Variants in HCK observed in about 807,000 individuals in gnomAD.
The protein encoded by HCK is tyrosine-protein kinase HCK.
In HCK, 40 loss-of-function variants were observed where a neutral mutation model predicts 70.4. The ratio of observed to expected loss-of-function variants is 0.57; its 90% confidence interval spans 0.44 to 0.74. The LOEUF is 0.74. HCK is among the 30% of genes least tolerant of loss of function. The pLI is 0.00. For synonymous variants in HCK, 245 were observed against 263.2 expected, an observed-to-expected ratio of 0.93 and a Z score of 0.67; for missense variants, 568 against 697.2, an observed-to-expected ratio of 0.81 and a Z score of 2.09.
chr20:32,094,842 AAAGAAAGAAAAG>A (rs1371992697), intron 11 of HCK, among the ~76,000 whole-genome samples: 1 of 140,660 alleles, frequency 7.1e-6, no homozygotes, highest in Admixed American at 7.1e-5. Context: ...AGAAAGAAAG[AAAGAAAGAAAAG>A]AAAGAAAGAG....
rs2045476144 is a variant in HCK at position 32,067,531 on chromosome 20, C to CAT, written c.63-4131_63-4130insAT. ...GAGCAGGAATGTCCTGATGCTTTTA[C>CAT]TTTTTTTTTTTTTTTTTTTTTGCCC... On this transcript the variant is annotated intron_variant, in intron 1 of 12. Coordinates refer to ENST00000375852, the MANE Select transcript of HCK (RefSeq NM_002110.5). Among the ~76,000 whole-genome samples the CAT allele has an allele frequency of 4.5e-5, 5 of 110,346 alleles. No individual in the cohort carries two copies. In the South Asian group the frequency reaches 1.4e-3, roughly 31 times the overall value. 72.4% of individuals were successfully genotyped at this position (110,346 alleles called of 152,430 possible).
At chr20:32,101,215 T>A in intron 12 of HCK, 102 bp from the exon 13 acceptor site, 1 of 941,530 alleles carries the variant, frequency 1.1e-6, no homozygotes, top group East Asian at 2.6e-5. Flanking sequence ...GCTTGCAAGG[T>A]GAGGTGGGGA....
chr20:32,094,618 G>A (rs539369021), intron 11 of HCK, among the ~76,000 whole-genome samples: 1 of 151,526 alleles, frequency 6.6e-6, no homozygotes, highest in Admixed American at 6.6e-5. Flanking sequence ...AGTCTAGGAA[G>A]CTGAAGCTGC....
At position 32,058,605 on chromosome 20, in the gene HCK, AACACACAC is replaced by A. The variant is rs60349531; in HGVS notation, c.62+6147_62+6154del. On this transcript the variant is annotated intron_variant, in intron 1 of 12. Transcript: ENST00000375852. The stretch of plus-strand genomic sequence containing the variant: ...TGCAGCACAATTCCTTTTATGTCAA[AACACACAC>A]ACACACACACACACACACACACACA... 1.1e-3 allele frequency among the ~76,000 whole-genome samples: 156 copies of A among 142,434 alleles called. 1 individual carries two copies. The East Asian group carries it at 0.02, about 18-fold the overall frequency. The allele number at this position is 142,434 out of a possible 152,430, so 93.4% of individuals were successfully genotyped here.
chr20:32,073,296 C>G, intron 2 of HCK, 23 bp from the exon 3 acceptor site: 1 of 1,606,908 alleles, frequency 6.2e-7, no homozygotes, highest in Non-Finnish European at 8.5e-7. Context: ...GATTCATTCT[C>G]TTCTCTCATT....
chr20:32,060,574 G>T (rs1201362380), intron 1 of HCK, among the ~76,000 whole-genome samples: 6 of 152,168 alleles, frequency 3.9e-5, no homozygotes, highest in Non-Finnish European at 2.9e-5. Context: ...CGGGAAATCT[G>T]GGGGCATCCA....
intron 10 of HCK, among the ~76,000 whole-genome samples, chr20:32,088,888 A>T (rs2045826866): frequency 6.7e-6 from 1 of 149,032 alleles, no homozygotes; most frequent in Admixed American, 6.6e-5. Flanking sequence ...AAACCATCCA[A>T]GTCCTAGTAG....
At chr20:32,090,275 A>G (rs577322755) in intron 10 of HCK, among the ~76,000 whole-genome samples, 2 of 152,266 alleles carry the variant, frequency 1.3e-5, no homozygotes, top group East Asian at 3.9e-4. Flanking sequence ...CCAAGGGAGG[A>G]AAAGAGGTTC....
Position 32,084,375 on chromosome 20 carries a change from A to T in HCK, c.683-16A>T. 6.2e-7 allele frequency: 1 copy of T among 1,606,930 alleles called. No homozygotes were observed. The highest frequency in any genetic ancestry group is 1.1e-5 in the South Asian group (1 of 90,192). On this transcript the variant is annotated splice_polypyrimidine_tract_variant and intron_variant, in intron 7 of 12. Transcript: ENST00000375852. ...CGGTGCTTGTTGCTCTCAATTGACC[A>T]GGGACTCTGTTCCAGAGGGGAACGA... is the stretch of plus-strand genomic sequence containing the variant.
chr20:32,085,255 G>A (rs1015720902), intron 8 of HCK, among the ~76,000 whole-genome samples: 2 of 152,222 alleles, frequency 1.3e-5, no homozygotes, highest in South Asian at 2.1e-4. Flanking sequence ...GCTCACGCCT[G>A]TAATCCCAGC....
At chr20:32,061,764 G>T (rs181994186) in intron 1 of HCK, among the ~76,000 whole-genome samples, 19 of 152,162 alleles carry the variant, frequency 1.2e-4, no homozygotes, top group African/African-American at 3.4e-4. Context: ...GAGCAAGGAG[G>T]GCTCCAGTGG....
intron 1 of HCK, chr20:32,069,838 C>T (rs1418125402): frequency 4.2e-6 from 4 of 945,762 alleles, no homozygotes; most frequent in East Asian, 6.1e-5. Flanking sequence ...TTTCCTTAAA[C>T]CACAAATACA....
intron 1 of HCK, among the ~76,000 whole-genome samples, chr20:32,069,308 T>G (rs186255936): frequency 3.7e-4 from 56 of 152,330 alleles, no homozygotes; most frequent in African/African-American, 1.3e-3. Flanking sequence ...CTTGAATATG[T>G]ACATTGATCA....
chr20:32,083,697 G>T (rs753654022), intron 6 of HCK, among the ~76,000 whole-genome samples, 197 bp from the exon 7 acceptor site: 2 of 152,222 alleles, frequency 1.3e-5, no homozygotes. Context: ...ACATGGCCAA[G>T]GTCTCACGGG....
At chr20:32,094,705 AAAAG>A (rs71185377) in intron 11 of HCK, among the ~76,000 whole-genome samples, 9,154 of 74,666 alleles carry the variant, frequency 0.12, 714 homozygotes, top group South Asian at 0.15. Context: ...AAAAGAAAAG[AAAAG>A]AAAGAAAGAA....
In HCK at chr20:32,086,813, G is replaced by C; in HGVS notation, c.1015+6G>C. On this transcript the variant is annotated splice_donor_region_variant and intron_variant, in intron 9 of 12. Transcript: ENST00000375852. Reference sequence around the variant, plus strand: ...CACGGAGTTCATGGCCAAAGGTGCTGCGTGCTGGGGCTGGGGGTGCAGGCT... The same window carrying C: ...CACGGAGTTCATGGCCAAAGGTGCTCCGTGCTGGGGCTGGGGGTGCAGGCT... 1 of 1,566,230 alleles carries C rather than the reference G, an allele frequency of 6.4e-7. No homozygotes were observed. The highest frequency in any genetic ancestry group is 8.7e-7 in the Non-Finnish European group (1 of 1,155,518).
At chr20:32,057,804 C>A (rs1196120715) in intron 1 of HCK, among the ~76,000 whole-genome samples, 1 of 152,184 alleles carries the variant, frequency 6.6e-6, no homozygotes, top group African/African-American at 2.4e-5. Context: ...GCACCAACCA[C>A]ATGTTGGTCC....
At position 32,058,396 on chromosome 20, in the gene HCK, G is replaced by T. The variant is rs989176342; in HGVS notation, c.62+5910G>T. 2.6e-5 allele frequency among the ~76,000 whole-genome samples: 4 copies of T among 152,024 alleles called. No homozygotes were observed. The South Asian group carries it at 8.3e-4, about 32-fold the overall frequency. On this transcript the variant is annotated intron_variant, in intron 1 of 12. Coordinates refer to ENST00000375852, the MANE Select transcript of HCK (RefSeq NM_002110.5). ...AAAATGCAAAAATTAGCCGGGCGTG[G>T]TGGCGGGCGCCTGTAATTTCAGCTA...
At chr20:32,059,164 C>T (rs1195736577) in intron 1 of HCK, among the ~76,000 whole-genome samples, 1 of 152,174 alleles carries the variant, frequency 6.6e-6, no homozygotes, top group Non-Finnish European at 1.5e-5. Flanking sequence ...AATGCAGAGG[C>T]AGAGGCTGAG....
Sources: gnomAD v4.1 joint callset for allele counts (sites outside exome capture counted in the v4.1 genomes callset) on GRCh38, gnomAD v4.1.1 for gene constraint, MANE v1.5 for transcripts, NCBI Gene and HGNC (gene_info 2026-07-23, HGNC 2026-07-21) for gene names.